The following DLG1 variants were observed in gnomAD, a reference collection of about 807,000 sequenced individuals.
The protein encoded by DLG1 is discs large MAGUK scaffold protein 1.
DLG1 carries 42 observed loss-of-function variants against 123.4 expected under a neutral mutation model. The ratio of observed to expected loss-of-function variants is 0.34; its 90% CI spans 0.27 to 0.44. The LOEUF (loss-of-function observed/expected upper bound fraction) is 0.44. DLG1 is among the 20% of genes least tolerant of loss of function. DLG1 has a pLI of 1.00. For missense variants in DLG1, 942 were observed against 1,082.6 expected (o/e 0.87, Z 1.82); for synonymous variants, 317 against 356.2 (o/e 0.89, Z 1.24).
chr3:197,235,983 G>A (rs1362831639), intron 4 of DLG1, among the ~76,000 whole-genome samples: 1 of 152,112 alleles, frequency 6.6e-6, no homozygotes, highest in East Asian at 1.9e-4. Context: ...AAAAAAACCT[G>A]TCAACCCAGA....
At chr3:197,219,058 G>A (rs550332762) in intron 4 of DLG1, among the ~76,000 whole-genome samples, 2 of 152,090 alleles carry the variant, frequency 1.3e-5, no homozygotes, top group African/African-American at 4.8e-5. Context: ...TTGAACCCAG[G>A]AGGCAGAGGT....
At chr3:197,113,836 A>G (rs1197224603) in intron 13 of DLG1, among the ~76,000 whole-genome samples, 1 of 152,152 alleles carries the variant, frequency 6.6e-6, no homozygotes, top group Admixed American at 6.5e-5. Context: ...CAGATTAGAT[A>G]TAGATAAGAA....
chr3:197,153,401 G>C (rs1418445579), intron 5 of DLG1, among the ~76,000 whole-genome samples: 1 of 152,166 alleles, frequency 6.6e-6, no homozygotes, highest in East Asian at 1.9e-4. Flanking sequence ...TCAGTGACCT[G>C]CAGGCTTAGC....
At chr3:197,148,261 AT>A (rs1561041981) in intron 6 of DLG1, among the ~76,000 whole-genome samples, 11 of 144,882 alleles carry the variant, frequency 7.6e-5, no homozygotes, top group African/African-American at 2.8e-4. Context: ...AAAAAAAAAA[AT>A]AGCCAGTCAT....
In DLG1 at chr3:197,081,043, A is replaced by G; in HGVS notation, c.1905+8T>C. ...AATTACAAAAATGTAGAGATTTCAA[A>G]TACTCACCCCTTTATCTCTCGTTTT... On this transcript the variant is annotated splice_region_variant and intron_variant, in intron 17 of 24. Coordinates refer to ENST00000667157, the MANE Select transcript of DLG1 (RefSeq NM_001366207.1). The G allele has an allele frequency of 1.2e-6, 2 of 1,610,804 alleles. No individual in the cohort carries two copies. The highest frequency in any genetic ancestry group is 1.7e-6 in the Non-Finnish European group (2 of 1,178,232).
At chr3:197,169,553 G>C (rs74971511) in intron 5 of DLG1, among the ~76,000 whole-genome samples, 19,553 of 152,184 alleles carry the variant, frequency 0.13, 1,583 homozygotes, top group Admixed American at 0.19. Flanking sequence ...AGGTATAAAA[G>C]AGTTGCAAGG....
At chr3:197,091,230 C>A (rs1757562493) in intron 14 of DLG1, among the ~76,000 whole-genome samples, 1 of 151,908 alleles carries the variant, frequency 6.6e-6, no homozygotes, top group Non-Finnish European at 1.5e-5. Flanking sequence ...TTAGAATTGG[C>A]TGAGTTAGAA....
At chr3:197,080,219 A>C (rs986979395) in intron 17 of DLG1, among the ~76,000 whole-genome samples, 1 of 150,650 alleles carries the variant, frequency 6.6e-6, no homozygotes, top group African/African-American at 2.4e-5. Flanking sequence ...AAGTGAAGGA[A>C]AAATAAATAC....
At chr3:197,173,756 C>T (rs1372388571) in intron 5 of DLG1, among the ~76,000 whole-genome samples, 1 of 152,132 alleles carries the variant, frequency 6.6e-6, no homozygotes, top group African/African-American at 2.4e-5. Context: ...TATTGTAGTT[C>T]AAAAGTAGTC....
At chr3:197,048,786 G>T (rs1245988612) in intron 24 of DLG1, among the ~76,000 whole-genome samples, 5 of 152,062 alleles carry the variant, frequency 3.3e-5, no homozygotes, top group Non-Finnish European at 5.9e-5. Flanking sequence ...CTTCCAAGTA[G>T]TTGGGATTAC....
At chr3:197,239,152 C>T (rs1348637883) in intron 4 of DLG1, among the ~76,000 whole-genome samples, 1 of 151,980 alleles carries the variant, frequency 6.6e-6, no homozygotes, top group Admixed American at 6.6e-5. Context: ...ACATTTCAAT[C>T]AATTCTAGAG....
intron 5 of DLG1, among the ~76,000 whole-genome samples, chr3:197,153,374 G>A (rs1025251134): frequency 3.3e-5 from 5 of 152,158 alleles, no homozygotes; most frequent in Non-Finnish European, 7.3e-5. Context: ...CAACTTCCAG[G>A]TGAACTGTAG....
In DLG1 at chr3:197,098,541, G is replaced by C. The variant is rs139522124; in HGVS notation, c.1546+6362C>G. Among the ~76,000 whole-genome samples the C allele has an allele frequency of 5.4e-3, 815 of 152,146 alleles. 7 individuals are homozygous for C. The highest frequency in any genetic ancestry group is 0.018 in the African/African-American group (744 of 41,484). Reference sequence around the variant, plus strand: ...TCTTCATATTTATAGTCTTTGCTTAGAGTCTTCCCACCCGCCCCCACCTCG... The same window carrying C: ...TCTTCATATTTATAGTCTTTGCTTACAGTCTTCCCACCCGCCCCCACCTCG... On this transcript the variant is annotated intron_variant, in intron 14 of 24. Coordinates refer to ENST00000667157, the MANE Select transcript of DLG1 (RefSeq NM_001366207.1).
At chr3:197,127,480 A>G (rs1477886943) in intron 11 of DLG1, among the ~76,000 whole-genome samples, 2 of 114,668 alleles carry the variant, frequency 1.7e-5, no homozygotes, top group East Asian at 4.3e-4. Flanking sequence ...ATATATATAT[A>G]TATATATATA....
intron 5 of DLG1, among the ~76,000 whole-genome samples, chr3:197,164,661 G>A (rs964519123): frequency 2.0e-5 from 3 of 151,618 alleles, no homozygotes; most frequent in Non-Finnish European, 2.9e-5. Context: ...TAGCACTTTC[G>A]GAGGACGCGG....
chr3:197,209,308 A>C (rs1475313046), intron 4 of DLG1, among the ~76,000 whole-genome samples: 2 of 146,870 alleles, frequency 1.4e-5, no homozygotes, highest in Non-Finnish European at 3.1e-5. Context: ...AAGAGATTTC[A>C]AAATGCTAAA....
At chr3:197,219,938 T>G (rs1250431014) in intron 4 of DLG1, among the ~76,000 whole-genome samples, 1 of 152,178 alleles carries the variant, frequency 6.6e-6, no homozygotes, top group African/African-American at 2.4e-5. Context: ...AACCAATAAA[T>G]CTGCAGTTTT....
Position 197,142,698 on chromosome 3 carries a change from A to T in DLG1, c.588+20T>A, listed in dbSNP as rs1788644850. 6.3e-7 allele frequency: 1 copy of T among 1,575,138 alleles called. No homozygotes were observed. Among genetic ancestry groups the T allele is most frequent in the Non-Finnish European group, 8.7e-7 (1 of 1,154,180 alleles). On this transcript the variant is annotated intron_variant, in intron 7 of 24. Coordinates refer to ENST00000667157, the MANE Select transcript of DLG1 (RefSeq NM_001366207.1). ...ATTACAAAGTTCTCTAGAACAACAGATTAAGATAATAGTTTTTACCCTTTC... is the reference window on the plus strand; with the variant it reads ...ATTACAAAGTTCTCTAGAACAACAGTTTAAGATAATAGTTTTTACCCTTTC...
intron 3 of DLG1, among the ~76,000 whole-genome samples, chr3:197,285,255 T>A (rs1771295983): frequency 6.6e-6 from 1 of 152,046 alleles, no homozygotes; most frequent in Admixed American, 6.6e-5. Flanking sequence ...CAAAGAAACA[T>A]TCTAGCTTTT....
Sources: allele counts gnomAD v4.1 joint callset (sites outside exome capture counted in the v4.1 genomes callset), GRCh38; gene constraint gnomAD v4.1.1; transcripts MANE v1.5; gene names NCBI Gene and HGNC (gene_info 2026-07-23, HGNC 2026-07-21).